The following SPMIP2 variants were observed in gnomAD, a reference collection of about 807,000 sequenced individuals.
The protein encoded by SPMIP2 is protein SPMIP2.
At chr4:158,986,326 A>C in the SPMIP2 span, among the ~76,000 whole-genome samples, 4 of 152,122 alleles carry the variant, frequency 2.6e-5, no homozygotes, top group Non-Finnish European at 5.9e-5. Context: ...CGCATTGCCA[A>C]GTCAATCCTA....
At chr4:158,937,280 G>T in the SPMIP2 span, among the ~76,000 whole-genome samples, 1 of 152,172 alleles carries the variant, frequency 6.6e-6, no homozygotes, top group Non-Finnish European at 1.5e-5. Context: ...GTATTTGGAT[G>T]AACGAATGAC....
At chr4:158,926,584 T>C in the SPMIP2 span, among the ~76,000 whole-genome samples, 3 of 152,212 alleles carry the variant, frequency 2.0e-5, no homozygotes, top group African/African-American at 7.2e-5. Flanking sequence ...TGGCCCAATA[T>C]ATGGTCTATC....
chr4:159,082,015 T>C, the SPMIP2 span, among the ~76,000 whole-genome samples: 1 of 151,920 alleles, frequency 6.6e-6, no homozygotes, highest in African/African-American at 2.4e-5. Context: ...ACATGAGAGT[T>C]CTTTAAAAGT....
chr4:158,960,448 A>G, the SPMIP2 span: 59 of 628,012 alleles, frequency 9.4e-5, no homozygotes, highest in Non-Finnish European at 1.4e-4. Flanking sequence ...TTGGGAAATG[A>G]AATAGAAAAT....
At chr4:158,958,285 C>G in the SPMIP2 span, among the ~76,000 whole-genome samples, 3 of 152,194 alleles carry the variant, frequency 2.0e-5, no homozygotes, top group African/African-American at 7.2e-5. Context: ...GCACAGCCAC[C>G]ATGTCCTGTT....
the SPMIP2 span, among the ~76,000 whole-genome samples, chr4:158,956,293 C>T: frequency 4.1e-3 from 626 of 152,306 alleles, 5 homozygotes; most frequent in African/African-American, 0.013. Context: ...TAGCTGGGTG[C>T]GGTGGCTCAC....
At chr4:158,979,177 T>C in the SPMIP2 span, among the ~76,000 whole-genome samples, 3 of 152,130 alleles carry the variant, frequency 2.0e-5, no homozygotes, top group Non-Finnish European at 4.4e-5. Flanking sequence ...TACTCACGCC[T>C]CAGTAATGGC....
the SPMIP2 span, among the ~76,000 whole-genome samples, chr4:159,056,519 G>C: frequency 6.6e-6 from 1 of 152,074 alleles, no homozygotes. Context: ...TTTTTGCCAG[G>C]TATTACATCA....
At chr4:158,944,017 G>A in the SPMIP2 span, among the ~76,000 whole-genome samples, 1 of 151,728 alleles carries the variant, frequency 6.6e-6, no homozygotes, top group South Asian at 2.1e-4. Flanking sequence ...CACCATGCCT[G>A]GCTAATTTTT....
the SPMIP2 span, among the ~76,000 whole-genome samples, chr4:159,014,490 T>C: frequency 6.6e-6 from 1 of 150,702 alleles, no homozygotes; most frequent in Admixed American, 6.7e-5. Context: ...TCACTGTAAG[T>C]GGATGTATCC....
At chr4:158,986,385 T>C in the SPMIP2 span, among the ~76,000 whole-genome samples, 1 of 152,146 alleles carries the variant, frequency 6.6e-6, no homozygotes, top group African/African-American at 2.4e-5. Context: ...CTTCAAACTA[T>C]ACTACAAGGC....
At chr4:158,968,122 C>T in the SPMIP2 span, among the ~76,000 whole-genome samples, 19 of 152,248 alleles carry the variant, frequency 1.2e-4, no homozygotes, top group African/African-American at 3.1e-4. Flanking sequence ...CTCCACTTCC[C>T]GGGTTCAAGC....
the SPMIP2 span, among the ~76,000 whole-genome samples, chr4:159,066,592 TATA>T: frequency 3.5e-4 from 6 of 17,106 alleles, no homozygotes; most frequent in African/African-American, 1.5e-3. Context: ...GTGTATTTTA[TATA>T]TATATATATA....
chr4:159,050,810 C>G, the SPMIP2 span, among the ~76,000 whole-genome samples: 1 of 147,416 alleles, frequency 6.8e-6, no homozygotes, highest in Non-Finnish European at 1.5e-5. Context: ...AAAAAAAAAG[C>G]TATAAAAAAA....
chr4:159,082,312 G>A, the SPMIP2 span, among the ~76,000 whole-genome samples: 3 of 151,926 alleles, frequency 2.0e-5, no homozygotes, highest in Non-Finnish European at 4.4e-5. Context: ...CAGCCTGGGT[G>A]ACAGAGTGAG....
At chr4:158,900,034 C>T in the SPMIP2 span, among the ~76,000 whole-genome samples, 7 of 152,150 alleles carry the variant, frequency 4.6e-5, no homozygotes, top group South Asian at 8.3e-4. Flanking sequence ...CCTAAAGATT[C>T]GGGTACACTG....
chr4:158,941,731 TAAAC>T, the SPMIP2 span, among the ~76,000 whole-genome samples: 6 of 152,216 alleles, frequency 3.9e-5, no homozygotes, highest in African/African-American at 1.4e-4. Flanking sequence ...CTCTGTGAAT[TAAAC>T]TATCAACTAG....
chr4:158,971,766 T>C, the SPMIP2 span, among the ~76,000 whole-genome samples: 1 of 152,164 alleles, frequency 6.6e-6, no homozygotes, highest in African/African-American at 2.4e-5. Flanking sequence ...GCAAAGACAA[T>C]GCAAAGGCCT....
chr4:159,082,243 G>C, the SPMIP2 span, among the ~76,000 whole-genome samples: 3 of 151,632 alleles, frequency 2.0e-5, no homozygotes, highest in Non-Finnish European at 4.4e-5. Context: ...TGAGGCAGGA[G>C]AATCACTTGA....
Sources: allele counts gnomAD v4.1 joint callset (sites outside exome capture counted in the v4.1 genomes callset), GRCh38; gene constraint gnomAD v4.1.1; transcripts MANE v1.5; gene names NCBI Gene and HGNC (gene_info 2026-07-23, HGNC 2026-07-21).